Variants in YWHAE observed in about 807,000 individuals in gnomAD.
YWHAE encodes tyrosine 3-monooxygenase/tryptophan 5-monooxygenase activation protein epsilon.
In YWHAE, 4 loss-of-function variants were observed where a neutral mutation model predicts 30.1. That is an observed-to-expected ratio of 0.13 (90% CI 0.07 to 0.30). The LOEUF (loss-of-function observed/expected upper bound fraction) is 0.30. Ranked by LOEUF, YWHAE falls within the 10% of genes least tolerant of loss-of-function variation. YWHAE has a pLI of 1.00. For missense variants in YWHAE, 121 were observed against 315.9 expected, an observed-to-expected ratio of 0.38 and a Z score of 4.68; for synonymous variants, 118 against 111.8, an observed-to-expected ratio of 1.06 and a Z score of -0.35.
At chr17:1,391,851 T>A (rs2073393102) in intron 1 of YWHAE, among the ~76,000 whole-genome samples, 1 of 152,126 alleles carries the variant, frequency 6.6e-6, no homozygotes, top group Admixed American at 6.6e-5. Context: ...ACCAGCTACC[T>A]GGTGGGAAGA....
chr17:1,375,537 G>A (rs1228126322), intron 1 of YWHAE, among the ~76,000 whole-genome samples: 5 of 152,086 alleles, frequency 3.3e-5, no homozygotes, highest in South Asian at 2.1e-4. Flanking sequence ...TTGGATCCAC[G>A]GGCAGTTTTG....
Position 1,400,143 on chromosome 17 carries a change from G to A in YWHAE, c.-33C>T, listed in dbSNP as rs372406728. 77 of 1,612,434 alleles carry A rather than the reference G, an allele frequency of 4.8e-5. No homozygotes were observed. Among genetic ancestry groups the A allele is most frequent in the Admixed American group, 1.8e-4 (11 of 60,016 alleles). On this transcript the variant is annotated 5_prime_UTR_variant, in exon 1 of 6. Transcript: ENST00000264335. ...GCGGCTCCGGCAGGGTCTGCGCGAC[G>A]GATGGAAGCGGATAGTGTCTCCGAC...
At chr17:1,388,481 G>T (rs1001099323) in intron 1 of YWHAE, among the ~76,000 whole-genome samples, 4 of 150,242 alleles carry the variant, frequency 2.7e-5, no homozygotes, top group African/African-American at 9.8e-5. Flanking sequence ...CAAGTGGAGC[G>T]CCACTGCACT....
chr17:1,376,521 C>T (rs1405178458), intron 1 of YWHAE, among the ~76,000 whole-genome samples: 1 of 149,158 alleles, frequency 6.7e-6, no homozygotes, highest in Non-Finnish European at 1.5e-5. Context: ...CTTAAAGAGA[C>T]GGGAGTCTTT....
chr17:1,392,578 G>A lies in YWHAE; in HGVS notation c.64+7469C>T, dbSNP rs534110798. 5.4e-4 allele frequency among the ~76,000 whole-genome samples: 82 copies of A among 152,104 alleles called. No homozygotes were observed. The South Asian group carries it at 0.015, about 28-fold the overall frequency. On this transcript the variant is annotated intron_variant, in intron 1 of 5. Transcript: ENST00000264335. ...TGTATGTCTATATCTGGCCGGGTGC[G>A]GTGGCTCACACCTATAATCCCAGCA...
rs1023814087 is a variant in YWHAE, at chr17:1,394,378, C to G, written c.64+5669G>C. On this transcript the variant is annotated intron_variant, in intron 1 of 5. Coordinates refer to ENST00000264335, the MANE Select transcript of YWHAE (RefSeq NM_006761.5). ...CTGTAATCCCAGCACTTTGGGAGGC[C>G]AAGGTGGGAGTCCAGGAATTCAAGA... 3.1e-5 allele frequency among the ~76,000 whole-genome samples: 4 copies of G among 131,070 alleles called. No individual in the cohort carries two copies. The Admixed American group carries it at 3.7e-4, about 12-fold the overall frequency. The allele number at this position is 131,070 out of a possible 152,430, so 86.0% of individuals were successfully genotyped here. A position where few individuals can be genotyped will look rare whatever the true frequency, so the allele number is the denominator to read the frequency against.
At chr17:1,385,622 GTTTT>G (rs746650784) in intron 1 of YWHAE, among the ~76,000 whole-genome samples, 2 of 152,042 alleles carry the variant, frequency 1.3e-5, no homozygotes, top group Non-Finnish European at 2.9e-5. Flanking sequence ...AACAAAGTAG[GTTTT>G]TCAGAGGGTG....
At chr17:1,355,162 TTTTTTTTTTTG>T (rs1380993763) in intron 4 of YWHAE, among the ~76,000 whole-genome samples, 17 of 33,854 alleles carry the variant, frequency 5.0e-4, no homozygotes, top group Admixed American at 1.1e-3. Flanking sequence ...TTTTTTTTTT[TTTTTTTTTTTG>T]GGGGACGGGG....
At chr17:1,347,312 G>A (rs563842404) in intron 5 of YWHAE, among the ~76,000 whole-genome samples, 7 of 149,552 alleles carry the variant, frequency 4.7e-5, no homozygotes, top group East Asian at 2.0e-4. Flanking sequence ...CAGCCTGGGC[G>A]ACAATCGAGA....
At chr17:1,392,196 AAAAG>A (rs1007810502) in intron 1 of YWHAE, among the ~76,000 whole-genome samples, 6 of 152,108 alleles carry the variant, frequency 3.9e-5, no homozygotes, top group African/African-American at 1.2e-4. Flanking sequence ...GGAAAAAAGA[AAAAG>A]AAAAAGAAAA....
Position 1,348,089 on chromosome 17 carries a change from A to T in YWHAE, c.716-2590T>A, listed in dbSNP as rs2072556969. The T allele has an allele frequency of 4.2e-6, 3 of 721,978 alleles. No homozygotes were observed. In the South Asian group the frequency reaches 1.9e-4, roughly 46 times the overall value. 44.7% of individuals were successfully genotyped at this position (721,978 alleles called of 1,614,324 possible). A position where few individuals can be genotyped will look rare whatever the true frequency, so the allele number is the denominator to read the frequency against. On this transcript the variant is annotated intron_variant, in intron 5 of 5. Coordinates refer to ENST00000264335, the MANE Select transcript of YWHAE (RefSeq NM_006761.5). ...AAAAATAAACCAACAGAGCAGGACA[A>T]AGGAAAACAATGATACAGGAGCCGG...
intron 1 of YWHAE, among the ~76,000 whole-genome samples, chr17:1,375,009 A>G (rs530054946): frequency 5.3e-5 from 8 of 152,124 alleles, no homozygotes; most frequent in African/African-American, 1.7e-4. Flanking sequence ...ATGTAGCCTT[A>G]AACTCCTGGC....
At chr17:1,384,502 T>C (rs186303889) in intron 1 of YWHAE, among the ~76,000 whole-genome samples, 3,531 of 145,782 alleles carry the variant, frequency 0.024, 84 homozygotes, top group African/African-American at 0.064. Flanking sequence ...CCATCCTGGC[T>C]AACACGGTGA....
Position 1,345,286 on chromosome 17 carries a change from G to C in YWHAE, c.*161C>G. On this transcript the variant is annotated 3_prime_UTR_variant, in exon 6 of 6. Transcript: ENST00000264335. ...TTGCCTTTAAGAACTTTTGAAAACT[G>C]TTTAAAAAAAAAAAAAAAAAACCAA... 5.1e-6 allele frequency: 3 copies of C among 588,108 alleles called. No individual in the cohort carries two copies. The highest frequency in any genetic ancestry group is 8.3e-6 in the Non-Finnish European group (3 of 359,380). 36.4% of individuals were successfully genotyped at this position (588,108 alleles called of 1,614,324 possible). A position where few individuals can be genotyped will look rare whatever the true frequency, so the allele number is the denominator to read the frequency against.
intron 4 of YWHAE, among the ~76,000 whole-genome samples, chr17:1,357,892 A>C (rs1175379114): frequency 6.6e-6 from 1 of 151,440 alleles, no homozygotes; most frequent in Non-Finnish European, 1.5e-5. Context: ...GCACCACTGC[A>C]CTCCAGCCTG....
chr17:1,365,272 G>A (rs2072924674), intron 1 of YWHAE, among the ~76,000 whole-genome samples: 1 of 151,318 alleles, frequency 6.6e-6, no homozygotes, highest in Non-Finnish European at 1.5e-5. Flanking sequence ...GTAGTTAGGT[G>A]GAGTGAGAAA....
chr17:1,396,694 C>T (rs754370158), intron 1 of YWHAE, among the ~76,000 whole-genome samples: 1 of 152,116 alleles, frequency 6.6e-6, no homozygotes, highest in Non-Finnish European at 1.5e-5. Flanking sequence ...GGCGCAATCT[C>T]GGCTCACCGC....
At chr17:1,371,641 C>G (rs1229561992) in intron 1 of YWHAE, among the ~76,000 whole-genome samples, 1 of 152,160 alleles carries the variant, frequency 6.6e-6, no homozygotes, top group Non-Finnish European at 1.5e-5. Flanking sequence ...CCCTAAGAAG[C>G]TGCATCAGCC....
Position 1,400,146 on chromosome 17 carries a change from T to C in YWHAE, c.-36A>G, listed in dbSNP as rs757048793. The C allele has an allele frequency of 6.2e-7, 1 of 1,612,646 alleles. No homozygotes were observed. The highest frequency in any genetic ancestry group is 1.3e-5 in the African/African-American group (1 of 74,914). ...GCTCCGGCAGGGTCTGCGCGACGGA[T>C]GGAAGCGGATAGTGTCTCCGACTCT... On this transcript the variant is annotated 5_prime_UTR_variant, in exon 1 of 6. Transcript: ENST00000264335.
Sources: gnomAD v4.1 joint callset for allele counts (sites outside exome capture counted in the v4.1 genomes callset) on GRCh38, gnomAD v4.1.1 for gene constraint, MANE v1.5 for transcripts, NCBI Gene and HGNC (gene_info 2026-07-23, HGNC 2026-07-21) for gene names.